Variants in AGBL4 observed in about 807,000 individuals in gnomAD.
The protein encoded by AGBL4 is cytosolic carboxypeptidase 6.
A neutral mutation model predicts 66.4 loss-of-function variants in AGBL4; 58 were observed. That is an observed-to-expected ratio of 0.87 (90% confidence interval 0.71 to 1.09). The LOEUF is 1.09. Ranked by LOEUF, AGBL4 falls within the 50% of genes least tolerant of loss-of-function variation. The pLI, the probability that AGBL4 is intolerant of heterozygous loss-of-function variation, is 0.00. For missense variants in AGBL4, 579 were observed against 631.0 expected, an observed-to-expected ratio of 0.92 and a Z score of 0.88; for synonymous variants, 234 against 222.9, an observed-to-expected ratio of 1.05 and a Z score of -0.44.
chr1:48,811,727 C>T (rs761580594), intron 6 of AGBL4, among the ~76,000 whole-genome samples: 4 of 151,984 alleles, frequency 2.6e-5, no homozygotes, highest in Non-Finnish European at 4.4e-5. Context: ...CTGTGAGGTC[C>T]AACCCTCTCT....
chr1:49,095,740 A>G (rs1464574458), intron 4 of AGBL4, among the ~76,000 whole-genome samples: 2 of 151,756 alleles, frequency 1.3e-5, no homozygotes, highest in Non-Finnish European at 2.9e-5. Context: ...AAAACCCTAG[A>G]AGAAAACCTA....
intron 2 of AGBL4, among the ~76,000 whole-genome samples, chr1:49,764,712 G>A (rs1029027810): frequency 1.3e-5 from 2 of 152,082 alleles, no homozygotes; most frequent in Admixed American, 1.3e-4. Context: ...GCCTAAAAAT[G>A]AAACTACTCT....
chr1:48,829,937 T>A (rs1475395564), intron 6 of AGBL4, among the ~76,000 whole-genome samples: 4 of 151,918 alleles, frequency 2.6e-5, no homozygotes, highest in Non-Finnish European at 5.9e-5. Flanking sequence ...GTCAGCATAG[T>A]GCAAAGGAAA....
chr1:49,989,181 AC>A (rs1228762368), intron 1 of AGBL4, among the ~76,000 whole-genome samples: 2 of 152,222 alleles, frequency 1.3e-5, no homozygotes, highest in African/African-American at 4.8e-5. Context: ...GAAAGGAATA[AC>A]AGATGATTAC....
At chr1:49,013,174 A>C (rs1662576520) in intron 5 of AGBL4, among the ~76,000 whole-genome samples, 1 of 152,248 alleles carries the variant, frequency 6.6e-6, no homozygotes, top group East Asian at 1.9e-4. Flanking sequence ...AAACAGAATA[A>C]GACAGTGAGC....
chr1:49,371,070 C>A (rs1039234186), intron 3 of AGBL4, among the ~76,000 whole-genome samples: 2 of 152,124 alleles, frequency 1.3e-5, no homozygotes, highest in Non-Finnish European at 2.9e-5. Context: ...AGTTTTTGGA[C>A]CAGAATTGCA....
At chr1:49,299,191 C>G (rs1192363385) in intron 3 of AGBL4, among the ~76,000 whole-genome samples, 1 of 152,012 alleles carries the variant, frequency 6.6e-6, no homozygotes, top group East Asian at 1.9e-4. Flanking sequence ...GGTTATAAAG[C>G]TAGTATATGA....
intron 4 of AGBL4, among the ~76,000 whole-genome samples, chr1:49,071,193 A>C (rs1644597358): frequency 6.6e-6 from 1 of 151,842 alleles, no homozygotes; most frequent in Admixed American, 6.6e-5. Flanking sequence ...TCAAAAAATC[A>C]GCTCCTGGGT....
chr1:49,737,832 A>C (rs545031079), intron 2 of AGBL4, among the ~76,000 whole-genome samples: 1 of 152,332 alleles, frequency 6.6e-6, no homozygotes, highest in Non-Finnish European at 1.5e-5. Flanking sequence ...CTTTTTTATA[A>C]AAAAAGATAG....
intron 1 of AGBL4, among the ~76,000 whole-genome samples, chr1:49,953,721 T>C (rs1198653149): frequency 6.6e-6 from 1 of 151,658 alleles, no homozygotes; most frequent in African/African-American, 2.4e-5. Flanking sequence ...AAATCAGAAA[T>C]CTGAAACACT....
intron 3 of AGBL4, among the ~76,000 whole-genome samples, chr1:49,473,258 C>G (rs1240520036): frequency 6.6e-6 from 1 of 152,082 alleles, no homozygotes; most frequent in Non-Finnish European, 1.5e-5. Context: ...TACATTCATG[C>G]CAACGGTGTA....
At chr1:48,614,575 T>C (rs1645289085) in intron 9 of AGBL4, among the ~76,000 whole-genome samples, 2 of 152,234 alleles carry the variant, frequency 1.3e-5, no homozygotes, top group African/African-American at 2.4e-5. Flanking sequence ...TCTTGTCGCT[T>C]TTCCATTGAA....
intron 1 of AGBL4, among the ~76,000 whole-genome samples, chr1:49,985,266 AAAAT>A (rs1383753129): frequency 1.3e-5 from 2 of 152,212 alleles, no homozygotes; most frequent in African/African-American, 4.8e-5. Flanking sequence ...ATTATTTTTT[AAAAT>A]AAATAAATCA....
intron 6 of AGBL4, among the ~76,000 whole-genome samples, chr1:48,744,137 A>T (rs1650364473): frequency 3.9e-5 from 6 of 152,208 alleles, no homozygotes. Flanking sequence ...AAGGACCAAT[A>T]GCATCATCAT....
At chr1:49,777,763 G>A (rs1644235433) in intron 2 of AGBL4, among the ~76,000 whole-genome samples, 2 of 152,168 alleles carry the variant, frequency 1.3e-5, no homozygotes, top group South Asian at 4.1e-4. Context: ...AGGATTCCGG[G>A]AATGGTGGTA....
At chr1:49,884,460 A>G (rs572348094) in intron 1 of AGBL4, among the ~76,000 whole-genome samples, 1 of 152,048 alleles carries the variant, frequency 6.6e-6, no homozygotes, top group East Asian at 1.9e-4. Context: ...TCAGTTCTAT[A>G]AAGTATAAAG....
intron 7 of AGBL4, among the ~76,000 whole-genome samples, chr1:48,655,419 G>C (rs77454132): frequency 3.9e-5 from 6 of 152,302 alleles, no homozygotes; most frequent in Non-Finnish European, 5.9e-5. Context: ...AAGACCAAAA[G>C]CACTGGATGG....
chr1:48,549,024 G>A (rs1332482602), intron 11 of AGBL4, among the ~76,000 whole-genome samples: 1 of 152,104 alleles, frequency 6.6e-6, no homozygotes, highest in African/African-American at 2.4e-5. Flanking sequence ...CCATTATCCT[G>A]CTTCCAAATA....
At chr1:49,270,715 T>A (rs1644038625) in intron 3 of AGBL4, among the ~76,000 whole-genome samples, 1 of 152,154 alleles carries the variant, frequency 6.6e-6, no homozygotes, top group Admixed American at 6.6e-5. Context: ...AATTACATCC[T>A]GGGCTTTCCA....
Sources: gnomAD v4.1 joint callset for allele counts (sites outside exome capture counted in the v4.1 genomes callset) on GRCh38, gnomAD v4.1.1 for gene constraint, MANE v1.5 for transcripts, NCBI Gene and HGNC (gene_info 2026-07-23, HGNC 2026-07-21) for gene names.